MEGF11: variants seen among roughly 807,000 people sequenced by gnomAD.
MEGF11 encodes the protein multiple epidermal growth factor-like domains protein 11.
Under a neutral mutation model 146.6 loss-of-function variants are expected in MEGF11, and 126 were observed. The ratio of observed to expected loss-of-function variants is 0.86; its 90% CI spans 0.74 to 1.00. The LOEUF is 1.00. MEGF11 is among the 50% of genes least tolerant of loss of function. The pLI, the probability that MEGF11 is intolerant of heterozygous loss-of-function variation, is 0.00. For synonymous variants in MEGF11, 532 were observed against 583.4 expected (o/e 0.91, Z 1.27); for missense variants, 1,509 against 1,521.2 (o/e 0.99, Z 0.13).
chr15:66,194,046 C>T (rs1187180905), intron 1 of MEGF11, among the ~76,000 whole-genome samples: 2 of 152,184 alleles, frequency 1.3e-5, no homozygotes, highest in Non-Finnish European at 2.9e-5. Flanking sequence ...AAGATACTTG[C>T]ACATGCATGT....
intron 3 of MEGF11, among the ~76,000 whole-genome samples, chr15:66,119,492 T>C (rs2087909433): frequency 6.6e-6 from 1 of 152,200 alleles, no homozygotes; most frequent in Admixed American, 6.5e-5. Flanking sequence ...GAACTTCTCC[T>C]TAGTTCCTTA....
intron 9 of MEGF11, among the ~76,000 whole-genome samples, chr15:65,961,935 C>T (rs2080870165): frequency 6.6e-6 from 1 of 152,136 alleles, no homozygotes; most frequent in South Asian, 2.1e-4. Flanking sequence ...AAACATTTCC[C>T]CCACTGGGTT....
In MEGF11 at chr15:66,154,374, G is replaced by T. The variant is rs2089677539; in HGVS notation, c.-8-25963C>A. Among the ~76,000 whole-genome samples the T allele has an allele frequency of 2.0e-5, 3 of 152,206 alleles. No individual in the cohort carries two copies. In the South Asian group the frequency reaches 6.2e-4, roughly 31 times the overall value. ...CATCTCTTCTGGGATCTGCAGCAAA[G>T]AGTACTTGCCCCGCAAGAGCCAAGG... On this transcript the variant is annotated intron_variant, in intron 1 of 25. Transcript: ENST00000395614.
At chr15:65,928,567 A>G (rs758768261) in intron 12 of MEGF11, 40 bp from the exon 13 acceptor site, 1 of 1,416,184 alleles carries the variant, frequency 7.1e-7, no homozygotes. Context: ...TCAGACCCAA[A>G]CCTCCAGAGG....
chr15:66,035,076 G>A (rs551474293), intron 5 of MEGF11, among the ~76,000 whole-genome samples: 1 of 152,156 alleles, frequency 6.6e-6, no homozygotes, highest in East Asian at 1.9e-4. Context: ...TAATTACCCG[G>A]TCTGTGGCAT....
intron 3 of MEGF11, among the ~76,000 whole-genome samples, chr15:66,120,514 AG>A (rs2087971401): frequency 6.6e-6 from 1 of 152,188 alleles, no homozygotes; most frequent in African/African-American, 2.4e-5. Flanking sequence ...CGTTCCATGG[AG>A]GGCCAGGCCA....
At chr15:66,012,498 C>T (rs2082740242) in intron 5 of MEGF11, among the ~76,000 whole-genome samples, 1 of 152,224 alleles carries the variant, frequency 6.6e-6, no homozygotes, top group Non-Finnish European at 1.5e-5. Context: ...GCCCAACTGA[C>T]TCCTCCTTTG....
In MEGF11 at chr15:65,980,849, G is replaced by C; in HGVS notation, c.691C>G (p.Arg231Gly). The change falls in exon 7 of 26, where the codon CGC becomes GGC. Residue 231 changes from arginine to glycine, a missense_variant. By Grantham distance (125) the Arg-to-Gly change is moderately radical. Coordinates refer to ENST00000395614, the MANE Select transcript of MEGF11 (RefSeq NM_001385028.1). Reference sequence around the variant, plus strand: ...GTGCCCCCATTCTGACAGGGGCAGCGCAGCTCACAGTGAGCTCCATGGCTC... The same window carrying C: ...GTGCCCCCATTCTGACAGGGGCAGCCCAGCTCACAGTGAGCTCCATGGCTC... The part of the protein sequence containing the change: ...PGSHGAHCEL[R>G]CPCQNGGTCH... The C allele has an allele frequency of 6.3e-7, 1 of 1,596,794 alleles. No individual in the cohort carries two copies. The highest frequency in any genetic ancestry group is 2.3e-5 in the East Asian group (1 of 43,978).
At chr15:66,071,317 C>G (rs1444889229) in intron 5 of MEGF11, among the ~76,000 whole-genome samples, 1 of 152,192 alleles carries the variant, frequency 6.6e-6, no homozygotes, top group Admixed American at 6.5e-5. Context: ...CTCCAAGAGT[C>G]TCCACCGTGG....
chr15:66,128,227 C>T lies in MEGF11; in HGVS notation c.98+79G>A, dbSNP rs959427087. The T allele has an allele frequency of 2.6e-5, 24 of 935,074 alleles. No individual in the cohort carries two copies. The African/African-American group carries it at 4.0e-4, about 16-fold the overall frequency. The allele number at this position is 935,074 out of a possible 1,614,324, so 57.9% of individuals were successfully genotyped here. A position where few individuals can be genotyped will look rare whatever the true frequency, so the allele number is the denominator to read the frequency against. ...CCTTAGAGGGCAGCTCCTGGATCTC[C>T]TGACTGCCTCTGTCCCCTACTGCCA... On this transcript the variant is annotated intron_variant, in intron 2 of 25. Transcript: ENST00000395614.
intron 5 of MEGF11, among the ~76,000 whole-genome samples, chr15:66,019,555 C>T (rs527704714): frequency 6.6e-6 from 1 of 152,356 alleles, no homozygotes; most frequent in Non-Finnish European, 1.5e-5. Flanking sequence ...AACCCAGCAG[C>T]TCTGAGGGAG....
At chr15:65,922,220 G>T in intron 15 of MEGF11, 118 bp downstream of exon 15, 1 of 1,295,038 alleles carries the variant, frequency 7.7e-7, no homozygotes, top group Non-Finnish European at 1.1e-6. Flanking sequence ...AAGTCCTGAA[G>T]AGGGAAGGAG....
At chr15:66,182,886 A>T (rs978051992) in intron 1 of MEGF11, among the ~76,000 whole-genome samples, 2 of 152,176 alleles carry the variant, frequency 1.3e-5, no homozygotes, top group African/African-American at 4.8e-5. Context: ...TTTATGGTGG[A>T]GAGAAGCTGG....
chr15:65,916,359 C>G, intron 17 of MEGF11, 83 bp from the exon 18 acceptor site: 2 of 1,468,534 alleles, frequency 1.4e-6, no homozygotes, highest in Non-Finnish European at 1.8e-6. Flanking sequence ...TGTCTTCTGT[C>G]TCTTTTTTTG....
intron 5 of MEGF11, among the ~76,000 whole-genome samples, chr15:66,009,624 G>T (rs897729050): frequency 6.8e-6 from 1 of 146,934 alleles, no homozygotes; most frequent in East Asian, 2.0e-4. Flanking sequence ...ACAGAGTCTC[G>T]CTCTGTTGCC....
chr15:66,092,099 A>G (rs1382499848), intron 5 of MEGF11, among the ~76,000 whole-genome samples: 1 of 151,894 alleles, frequency 6.6e-6, no homozygotes, highest in Non-Finnish European at 1.5e-5. Context: ...CCTGGACTTT[A>G]TTATGAGCAA....
chr15:65,980,456 T>C (rs1201211551), intron 7 of MEGF11, among the ~76,000 whole-genome samples: 1 of 126,210 alleles, frequency 7.9e-6, no homozygotes, highest in Non-Finnish European at 1.6e-5. Context: ...CAGGCTGGAG[T>C]GCAGCAAATT....
chr15:66,211,668 T>A (rs534188456), intron 1 of MEGF11, among the ~76,000 whole-genome samples: 6 of 151,706 alleles, frequency 4.0e-5, no homozygotes, highest in Admixed American at 3.9e-4. Flanking sequence ...GCTCAATGCC[T>A]CATTCTGATT....
At chr15:66,066,997 G>A (rs1463917807) in intron 5 of MEGF11, among the ~76,000 whole-genome samples, 2 of 152,206 alleles carry the variant, frequency 1.3e-5, no homozygotes, top group East Asian at 3.8e-4. Flanking sequence ...GCGCCCAGCT[G>A]CACCACCTTG....
Sources: allele counts gnomAD v4.1 joint callset (sites outside exome capture counted in the v4.1 genomes callset), GRCh38; gene constraint gnomAD v4.1.1; transcripts MANE v1.5; gene names NCBI Gene and HGNC (gene_info 2026-07-23, HGNC 2026-07-21).